Variants in SCFD2 observed in about 807,000 individuals in gnomAD.
SCFD2 encodes the protein sec1 family domain containing 2, also known as sec1 family domain-containing protein 2.
A neutral mutation model predicts 58.9 loss-of-function variants in SCFD2; 54 were observed. The ratio of observed to expected loss-of-function variants is 0.92; its 90% CI spans 0.74 to 1.15. The LOEUF (loss-of-function observed/expected upper bound fraction) is 1.15, where lower values mean the gene tolerates loss of function less well. SCFD2 is among the 50% of genes most tolerant of loss of function. SCFD2 has a pLI of 0.00. For synonymous variants in SCFD2, 321 were observed against 335.9 expected, an observed-to-expected ratio of 0.96 and a Z score of 0.49; for missense variants, 805 against 836.6, an observed-to-expected ratio of 0.96 and a Z score of 0.47.
chr4:53,103,768 T>TTAAA (rs1553876589), intron 5 of SCFD2, among the ~76,000 whole-genome samples: 1 of 34,028 alleles, frequency 2.9e-5, no homozygotes, highest in Non-Finnish European at 4.9e-5. Context: ...AGTAAGGAAG[T>TTAAA]AAAAAAAAAA....
intron 5 of SCFD2, among the ~76,000 whole-genome samples, chr4:53,037,809 C>A (rs560548140): frequency 1.3e-5 from 2 of 152,128 alleles, no homozygotes; most frequent in East Asian, 3.9e-4. Flanking sequence ...TCTTTAAAAC[C>A]ACATATATCT....
intron 5 of SCFD2, among the ~76,000 whole-genome samples, chr4:52,962,507 T>C (rs1436772591): frequency 1.3e-5 from 2 of 152,220 alleles, no homozygotes; most frequent in Admixed American, 1.3e-4. Flanking sequence ...TATTTTCTCC[T>C]GAAGGTAGCA....
At chr4:53,313,139 A>G (rs1223162815) in intron 3 of SCFD2, among the ~76,000 whole-genome samples, 1 of 152,200 alleles carries the variant, frequency 6.6e-6, no homozygotes, top group African/African-American at 2.4e-5. Flanking sequence ...TTCCTGGTGA[A>G]GAAGAAATAA....
intron 5 of SCFD2, among the ~76,000 whole-genome samples, chr4:53,123,276 T>G (rs1725532859): frequency 6.6e-6 from 1 of 152,248 alleles, no homozygotes; most frequent in Non-Finnish European, 1.5e-5. Flanking sequence ...CACTTGAACA[T>G]TAAGTTTAAA....
intron 5 of SCFD2, among the ~76,000 whole-genome samples, chr4:52,933,165 G>A (rs7691537): frequency 0.014 from 2,083 of 152,206 alleles, 45 homozygotes; most frequent in African/African-American, 0.045. Context: ...ATTGCAAGCA[G>A]GGTTAGGATC....
intron 7 of SCFD2, among the ~76,000 whole-genome samples, chr4:52,893,457 C>T (rs1718926181): frequency 6.6e-6 from 1 of 152,202 alleles, no homozygotes; most frequent in South Asian, 2.1e-4. Flanking sequence ...TGACATCAGT[C>T]TTTACTGACA....
chr4:52,977,839 A>T (rs1016097969), intron 5 of SCFD2, among the ~76,000 whole-genome samples: 14 of 152,294 alleles, frequency 9.2e-5, no homozygotes, highest in African/African-American at 1.4e-4. Flanking sequence ...CCTAAGAAGG[A>T]TGAAGAGACT....
At chr4:53,216,342 C>G (rs1204052830) in intron 4 of SCFD2, among the ~76,000 whole-genome samples, 3 of 152,128 alleles carry the variant, frequency 2.0e-5, no homozygotes, top group African/African-American at 4.8e-5. Flanking sequence ...TTGGTCTATT[C>G]AGAGATTCAA....
intron 2 of SCFD2, among the ~76,000 whole-genome samples, chr4:53,341,886 C>A (rs1454361325): frequency 6.6e-6 from 1 of 152,122 alleles, no homozygotes; most frequent in East Asian, 1.9e-4. Context: ...GAAATAAAAT[C>A]CTTTGCACAC....
intron 6 of SCFD2, among the ~76,000 whole-genome samples, chr4:52,912,352 A>G (rs923973594): frequency 2.6e-5 from 4 of 152,242 alleles, no homozygotes; most frequent in African/African-American, 9.6e-5. Context: ...GAGAGGGGCA[A>G]GAATCAGGGG....
intron 3 of SCFD2, among the ~76,000 whole-genome samples, chr4:53,292,942 C>A (rs1731892660): frequency 1.3e-5 from 2 of 151,954 alleles, no homozygotes; most frequent in Admixed American, 1.3e-4. Context: ...ACCTAGAAGA[C>A]AAATTCATAG....
chr4:52,912,603 T>C (rs1423286404), intron 6 of SCFD2, among the ~76,000 whole-genome samples: 1 of 152,168 alleles, frequency 6.6e-6, no homozygotes, highest in Non-Finnish European at 1.5e-5. Flanking sequence ...CACAATTTGG[T>C]AAAGACTTTC....
At chr4:53,174,735 G>T (rs569269777) in intron 4 of SCFD2, among the ~76,000 whole-genome samples, 3 of 152,214 alleles carry the variant, frequency 2.0e-5, no homozygotes, top group Middle Eastern at 3.4e-3. Flanking sequence ...GTCCTGGAGT[G>T]GGGGAAGGTG....
intron 4 of SCFD2, among the ~76,000 whole-genome samples, chr4:53,228,943 T>A (rs1458417133): frequency 5.3e-5 from 8 of 152,180 alleles, no homozygotes. Flanking sequence ...AAAATCAATG[T>A]GCAAAAATCA....
At chr4:53,180,437 T>C (rs1377066456) in intron 4 of SCFD2, among the ~76,000 whole-genome samples, 1 of 152,072 alleles carries the variant, frequency 6.6e-6, no homozygotes, top group Non-Finnish European at 1.5e-5. Context: ...GAAATAAAGA[T>C]GTTCTTTGAA....
chr4:52,975,415 A>G (rs1254812927), intron 5 of SCFD2, among the ~76,000 whole-genome samples: 1 of 152,252 alleles, frequency 6.6e-6, no homozygotes, highest in East Asian at 1.9e-4. Context: ...CAGACACATG[A>G]AAAAATGCTC....
chr4:53,221,613 G>C (rs1404801799), intron 4 of SCFD2, among the ~76,000 whole-genome samples: 2 of 152,218 alleles, frequency 1.3e-5, no homozygotes, highest in Non-Finnish European at 1.5e-5. Context: ...TCCAGATTTT[G>C]GATACAATTT....
intron 5 of SCFD2, among the ~76,000 whole-genome samples, chr4:52,980,772 G>A (rs1721359254): frequency 6.6e-6 from 1 of 152,116 alleles, no homozygotes. Context: ...ATGACACTTT[G>A]TCTGATCCCT....
intron 4 of SCFD2, among the ~76,000 whole-genome samples, chr4:53,240,311 G>A (rs1376805385): frequency 6.6e-6 from 1 of 152,170 alleles, no homozygotes; most frequent in Non-Finnish European, 1.5e-5. Flanking sequence ...GAAAAAAATA[G>A]TTTCAACTAA....
Sources: allele counts gnomAD v4.1 joint callset (sites outside exome capture counted in the v4.1 genomes callset), GRCh38; gene constraint gnomAD v4.1.1; transcripts MANE v1.5; gene names NCBI Gene and HGNC (gene_info 2026-07-23, HGNC 2026-07-21).